Variants in ENOX2 observed in about 807,000 individuals in gnomAD.
ENOX2 encodes ecto-NOX disulfide-thiol exchanger 2.
A neutral mutation model predicts 45.0 loss-of-function variants in ENOX2; 36 were observed. The ratio of observed to expected loss-of-function variants is 0.80; its 90% CI spans 0.61 to 1.06. The LOEUF is 1.06. ENOX2 is among the 50% of genes least tolerant of loss of function. The probability of loss-of-function intolerance (pLI) is 0.00; values close to 1 mark genes in which losing one functional copy is unlikely to be tolerated. For missense variants in ENOX2, 423 were observed against 462.5 expected, an observed-to-expected ratio of 0.91 and a Z score of 0.78; for synonymous variants, 174 against 152.3, an observed-to-expected ratio of 1.14 and a Z score of -1.05.
At chrX:130,755,987 C>T (rs969725641) in intron 3 of ENOX2, among the ~76,000 whole-genome samples, 1 of 111,320 alleles carries the variant, frequency 9.0e-6, no homozygotes, top group African/African-American at 3.3e-5. Flanking sequence ...TATCAGGCTC[C>T]ATGATGTAAT....
chrX:130,867,605 G>C (rs1280719416), intron 2 of ENOX2, among the ~76,000 whole-genome samples: 1 of 111,634 alleles, frequency 9.0e-6, no homozygotes, highest in Non-Finnish European at 1.9e-5. Context: ...CATCATGACT[G>C]GCCTCATCAT....
At chrX:130,857,853 GTAAT>G (rs923978669) in intron 2 of ENOX2, among the ~76,000 whole-genome samples, 2 of 111,626 alleles carry the variant, frequency 1.8e-5, no homozygotes, top group African/African-American at 6.5e-5. Context: ...ACAGCAAAAT[GTAAT>G]TAGAAAACTC....
At chrX:130,630,978 A>AACAG (rs2035687187) in intron 13 of ENOX2, among the ~76,000 whole-genome samples, 3 of 109,402 alleles carry the variant, frequency 2.7e-5, no homozygotes, top group Non-Finnish European at 3.8e-5. Context: ...CAAACAAACA[A>AACAG]ACAAACAAAC....
intron 2 of ENOX2, among the ~76,000 whole-genome samples, chrX:130,861,457 C>T (rs1005279546): frequency 9.0e-5 from 10 of 111,592 alleles, no homozygotes; most frequent in Non-Finnish European, 9.4e-5. Context: ...AAGGGAATCC[C>T]GGCATTTGCA....
intron 1 of ENOX2, among the ~76,000 whole-genome samples, 152 bp from the exon 2 acceptor site, chrX:130,901,883 T>C (rs138563873): frequency 0.041 from 4,555 of 112,135 alleles, 248 homozygotes; most frequent in African/African-American, 0.14. Flanking sequence ...ATATTTGTGC[T>C]GATATCTTTT....
chrX:130,768,270 C>A (rs1339844605), intron 3 of ENOX2, among the ~76,000 whole-genome samples: 11 of 111,651 alleles, frequency 9.9e-5, no homozygotes, highest in Non-Finnish European at 1.9e-5. Context: ...AAACTTAATT[C>A]AATTAAAGCT....
intron 5 of ENOX2, among the ~76,000 whole-genome samples, chrX:130,685,858 T>C (rs1444380843): frequency 9.0e-6 from 1 of 111,567 alleles, no homozygotes; most frequent in Non-Finnish European, 1.9e-5. Context: ...AGCAGACAAG[T>C]AAAAGGTTTT....
chrX:130,679,988 T>C (rs962841673), intron 5 of ENOX2, among the ~76,000 whole-genome samples: 4 of 112,033 alleles, frequency 3.6e-5, no homozygotes, highest in Non-Finnish European at 7.5e-5. Flanking sequence ...CCTATTTGTC[T>C]GTCCCATCCA....
chrX:130,783,304 G>A (rs953480741), intron 3 of ENOX2, among the ~76,000 whole-genome samples: 7 of 111,721 alleles, frequency 6.3e-5, no homozygotes, highest in African/African-American at 1.6e-4. Flanking sequence ...TGCTCTCATC[G>A]GTTTTTCACC....
chrX:130,845,976 AAC>A (rs1326690082), intron 2 of ENOX2, among the ~76,000 whole-genome samples: 1 of 112,238 alleles, frequency 8.9e-6, no homozygotes, highest in Admixed American at 9.4e-5. Context: ...TTGATAGAAA[AAC>A]ACATATATTT....
intron 2 of ENOX2, among the ~76,000 whole-genome samples, chrX:130,809,507 C>T (rs143534641): frequency 2.0e-3 from 227 of 111,677 alleles, no homozygotes; most frequent in African/African-American, 7.0e-3. Context: ...TGTCCAAGAT[C>T]GATGTTTTTT....
At chrX:130,665,607 C>T (rs371814711) in intron 9 of ENOX2, 36 bp downstream of exon 9, 50 of 966,636 alleles carry the variant, frequency 5.2e-5, no homozygotes, top group Admixed American at 4.5e-4. Flanking sequence ...AAGAAACTGT[C>T]CCCCCAAGGG....
chrX:130,895,395 T>C (rs752207971), intron 2 of ENOX2, among the ~76,000 whole-genome samples: 2 of 111,914 alleles, frequency 1.8e-5, no homozygotes, highest in African/African-American at 3.3e-5. Context: ...GAAACTCTTA[T>C]TAGCAGTTGT....
At chrX:130,846,299 G>A (rs185802827) in intron 2 of ENOX2, among the ~76,000 whole-genome samples, 52 of 110,885 alleles carry the variant, frequency 4.7e-4, no homozygotes, top group Admixed American at 9.6e-4. Flanking sequence ...AGAAAAGCAA[G>A]AGTGCTTATG....
chrX:130,775,790 T>G (rs2039843086), intron 3 of ENOX2, among the ~76,000 whole-genome samples: 1 of 107,880 alleles, frequency 9.3e-6, no homozygotes, highest in African/African-American at 3.4e-5. Context: ...GTGTTTTGTG[T>G]TTTTTTTTTC....
At chrX:130,648,013 G>A (rs1240663926) in intron 10 of ENOX2, among the ~76,000 whole-genome samples, 5 of 111,162 alleles carry the variant, frequency 4.5e-5, no homozygotes, top group East Asian at 5.6e-4. Flanking sequence ...AAACTCTGAC[G>A]TGAAAAAATA....
At chrX:130,819,018 A>T (rs1222906534) in intron 2 of ENOX2, among the ~76,000 whole-genome samples, 3 of 112,213 alleles carry the variant, frequency 2.7e-5, no homozygotes, top group Non-Finnish European at 5.6e-5. Context: ...AACTTAAACA[A>T]ATTTACAAGA....
chrX:130,857,209 C>T (rs2078323639), intron 2 of ENOX2, among the ~76,000 whole-genome samples: 1 of 111,997 alleles, frequency 8.9e-6, no homozygotes, highest in South Asian at 3.7e-4. Flanking sequence ...AGTCAGAGAC[C>T]AGAAAGCATA....
intron 2 of ENOX2, among the ~76,000 whole-genome samples, chrX:130,826,185 T>C (rs73555142): frequency 0.051 from 5,717 of 111,333 alleles, 388 homozygotes; most frequent in African/African-American, 0.18. Context: ...TCTTTACAAC[T>C]ATCAATAGTC....
Sources: gnomAD v4.1 joint callset for allele counts (sites outside exome capture counted in the v4.1 genomes callset) on GRCh38, gnomAD v4.1.1 for gene constraint, MANE v1.5 for transcripts, NCBI Gene and HGNC (gene_info 2026-07-23, HGNC 2026-07-21) for gene names.